DGKB: variants seen among roughly 807,000 people sequenced by gnomAD.
The protein encoded by DGKB is diacylglycerol kinase beta.
A neutral mutation model predicts 114.3 loss-of-function variants in DGKB; 67 were observed. That is an observed-to-expected ratio of 0.59 (90% confidence interval 0.48 to 0.72). The LOEUF (loss-of-function observed/expected upper bound fraction) is 0.72, where lower values mean the gene tolerates loss of function less well. DGKB is among the 30% of genes least tolerant of loss of function. DGKB has a pLI of 0.00. For missense variants in DGKB, 907 were observed against 975.2 expected (o/e 0.93, Z 0.93); for synonymous variants, 398 against 323.1 (o/e 1.23, Z -2.49).
At chr7:14,641,232 AC>A in intron 13 of DGKB, among the ~76,000 whole-genome samples, 1 of 24,934 alleles carries the variant, frequency 4.0e-5, no homozygotes, top group Non-Finnish European at 1.2e-4. Flanking sequence ...ATTACTTTTT[AC>A]AATATAGGGA....
intron 2 of DGKB, among the ~76,000 whole-genome samples, chr7:14,824,467 G>A (rs761411009): frequency 3.9e-5 from 6 of 151,996 alleles, no homozygotes; most frequent in Middle Eastern, 3.2e-3. Flanking sequence ...AAGAGAGAGT[G>A]GGAGATAGAT....
intron 1 of DGKB, among the ~76,000 whole-genome samples, chr7:14,968,309 GATC>G (rs1229201554): frequency 1.3e-5 from 2 of 151,822 alleles, no homozygotes; most frequent in African/African-American, 4.8e-5. Context: ...AATAATCTTT[GATC>G]TATTGTGTTT....
chr7:14,553,475 A>G (rs1022642543), intron 20 of DGKB, among the ~76,000 whole-genome samples: 5 of 152,236 alleles, frequency 3.3e-5, no homozygotes, highest in African/African-American at 1.2e-4. Context: ...AAGACACAAG[A>G]GTGTGTGAAA....
intron 6 of DGKB, among the ~76,000 whole-genome samples, chr7:14,704,409 C>T (rs1457895160): frequency 3.4e-5 from 5 of 145,290 alleles, no homozygotes; most frequent in Admixed American, 2.8e-4. Flanking sequence ...GATCACGCCA[C>T]TGCACTCCAG....
intron 20 of DGKB, among the ~76,000 whole-genome samples, chr7:14,494,013 C>G (rs568551010): frequency 1.3e-5 from 2 of 151,196 alleles, no homozygotes; most frequent in Non-Finnish European, 3.0e-5. Context: ...TAATCATATG[C>G]CATATCCAAT....
At chr7:14,171,095 C>T (rs1308590732) in intron 25 of DGKB, among the ~76,000 whole-genome samples, 1 of 152,098 alleles carries the variant, frequency 6.6e-6, no homozygotes, top group Admixed American at 6.6e-5. Context: ...CGCACCAGGT[C>T]AGGGCTCAAT....
At chr7:14,746,193 G>A (rs1187559431) in intron 4 of DGKB, among the ~76,000 whole-genome samples, 5 of 152,078 alleles carry the variant, frequency 3.3e-5, no homozygotes, top group African/African-American at 9.7e-5. Context: ...AAAAAAATTA[G>A]CATGGTGGCA....
At position 14,209,954 on chromosome 7, in the gene DGKB, T is replaced by C. The variant is rs16878103; in HGVS notation, c.2123-31803A>G. Among the ~76,000 whole-genome samples, 793 of 152,122 alleles carry C rather than the reference T, an allele frequency of 5.2e-3. 6 individuals are homozygous for C. The highest frequency in any genetic ancestry group is 0.017 in the Middle Eastern group (5 of 294). On this transcript the variant is annotated intron_variant, in intron 23 of 25. Coordinates refer to ENST00000402815, the MANE Select transcript of DGKB (RefSeq NM_001350709.2). The stretch of plus-strand genomic sequence containing the variant: ...AGAATGAAAGAAATCTGGTTGAATA[T>C]GCAGGTGCACTAATAAATGGGTGGT...
At chr7:14,778,911 T>C (rs935424497) in intron 2 of DGKB, among the ~76,000 whole-genome samples, 3 of 152,292 alleles carry the variant, frequency 2.0e-5, no homozygotes, top group African/African-American at 4.8e-5. Context: ...ATCCCAGCAT[T>C]TTGGGAGGCT....
chr7:14,893,206 C>T (rs1781566458), intron 1 of DGKB, among the ~76,000 whole-genome samples: 1 of 151,186 alleles, frequency 6.6e-6, no homozygotes, highest in Non-Finnish European at 1.5e-5. Flanking sequence ...TGGGTTTCAC[C>T]CCTCATCACT....
intron 23 of DGKB, among the ~76,000 whole-genome samples, chr7:14,327,809 A>G (rs1809010848): frequency 6.6e-6 from 1 of 152,110 alleles, no homozygotes; most frequent in Non-Finnish European, 1.5e-5. Flanking sequence ...ATTTATCACC[A>G]AGTATAAAAA....
intron 1 of DGKB, among the ~76,000 whole-genome samples, chr7:14,893,709 A>G (rs2128228339): frequency 6.6e-6 from 1 of 151,502 alleles, no homozygotes; most frequent in African/African-American, 2.4e-5. Flanking sequence ...ATTTCTAGGT[A>G]TATCTTGAGA....
intron 25 of DGKB, among the ~76,000 whole-genome samples, chr7:14,160,477 A>C (rs1783714377): frequency 6.6e-6 from 1 of 152,190 alleles, no homozygotes. Flanking sequence ...CCTATACACC[A>C]ATAACAGACA....
Position 14,147,922 on chromosome 7 carries a change from T to A in DGKB, c.*1209A>T, listed in dbSNP as rs1431187412. On this transcript the variant is annotated 3_prime_UTR_variant, in exon 26 of 26. Coordinates refer to ENST00000402815, the MANE Select transcript of DGKB (RefSeq NM_001350709.2). ...TTCCAAATAAACATTTGAAATGTCATAAAGATGGGAGTGGAGTAGGTGAGG... is the reference window on the plus strand; with the variant it reads ...TTCCAAATAAACATTTGAAATGTCAAAAAGATGGGAGTGGAGTAGGTGAGG... 6.6e-6 allele frequency: 1 copy of A among 152,116 alleles called. No homozygotes were observed. The highest frequency in any genetic ancestry group is 1.9e-4 in the East Asian group (1 of 5,188). 9.4% of individuals were successfully genotyped at this position (152,116 alleles called of 1,614,324 possible). A position where few individuals can be genotyped will look rare whatever the true frequency, so the allele number is the denominator to read the frequency against.
At chr7:14,571,576 G>A (rs1798387027) in intron 20 of DGKB, among the ~76,000 whole-genome samples, 1 of 152,162 alleles carries the variant, frequency 6.6e-6, no homozygotes, top group Non-Finnish European at 1.5e-5. Context: ...CTGAAAATCT[G>A]TATGGATTTG....
intron 23 of DGKB, among the ~76,000 whole-genome samples, chr7:14,245,917 A>T (rs2128378205): frequency 6.6e-6 from 1 of 152,306 alleles, no homozygotes; most frequent in South Asian, 2.1e-4. Flanking sequence ...AAAAAGTGAG[A>T]TCCTGTCTCA....
chr7:14,431,401 T>C (rs920473040), intron 21 of DGKB, among the ~76,000 whole-genome samples: 2 of 152,180 alleles, frequency 1.3e-5, no homozygotes, highest in Admixed American at 1.3e-4. Flanking sequence ...AAGTGAAAAG[T>C]TGAATATTAG....
intron 21 of DGKB, among the ~76,000 whole-genome samples, chr7:14,424,009 C>T (rs1827131184): frequency 6.6e-6 from 1 of 152,042 alleles, no homozygotes; most frequent in South Asian, 2.1e-4. Flanking sequence ...ACTTTCAACA[C>T]CATCACCTTA....
At chr7:14,632,839 C>T (rs901330809) in intron 13 of DGKB, among the ~76,000 whole-genome samples, 1 of 151,790 alleles carries the variant, frequency 6.6e-6, no homozygotes, top group Admixed American at 6.6e-5. Context: ...TAGAAAAAAG[C>T]AATATTTCAA....
Sources: allele counts gnomAD v4.1 joint callset (sites outside exome capture counted in the v4.1 genomes callset), GRCh38; gene constraint gnomAD v4.1.1; transcripts MANE v1.5; gene names NCBI Gene and HGNC (gene_info 2026-07-23, HGNC 2026-07-21).